Variants in TTR observed in about 807,000 individuals in gnomAD.
TTR encodes transthyretin.
TTR carries 8 observed loss-of-function variants against 13.7 expected under a neutral mutation model. That is an observed-to-expected ratio of 0.58 (90% CI 0.34 to 1.05). TTR has a LOEUF of 1.05. Among genes scored for constraint, TTR ranks in the 50% least tolerant of loss-of-function variants. TTR has a pLI of 0.02. For missense variants in TTR, 135 were observed against 185.5 expected, an observed-to-expected ratio of 0.73 and a Z score of 1.58; for synonymous variants, 75 against 71.7, an observed-to-expected ratio of 1.05 and a Z score of -0.23.
chr18:31,595,308 AT>A, intron 3 of TTR, 53 bp downstream of exon 3: 1 of 1,611,042 alleles, frequency 6.2e-7, no homozygotes, highest in Non-Finnish European at 8.5e-7. Context: ...TGCTTTTGGC[AT>A]TCCAGGAAAT....
In TTR at chr18:31,598,795, G is replaced by A. The variant is rs1041645244; in HGVS notation, c.*120G>A. The A allele has an allele frequency of 1.9e-6, 2 of 1,065,852 alleles. No individual in the cohort carries two copies. Among genetic ancestry groups the A allele is most frequent in the African/African-American group, 3.1e-5 (2 of 63,918 alleles). 66.0% of individuals were successfully genotyped at this position (1,065,852 alleles called of 1,614,324 possible). A position where few individuals can be genotyped will look rare whatever the true frequency, so the allele number is the denominator to read the frequency against. On this transcript the variant is annotated 3_prime_UTR_variant, in exon 4 of 4. Coordinates refer to ENST00000237014, the MANE Select transcript of TTR (RefSeq NM_000371.4). Reference sequence around the variant, plus strand: ...ATGCTATGTTAGAAGTCCAGGCAGAGACAATAAAACATTCCTGTGAAAGGC... The same window carrying A: ...ATGCTATGTTAGAAGTCCAGGCAGAAACAATAAAACATTCCTGTGAAAGGC...
At chr18:31,595,098 T>C (rs1452991462) in intron 2 of TTR, 22 bp from the exon 3 acceptor site, 3 of 1,613,848 alleles carry the variant, frequency 1.9e-6, no homozygotes, top group Non-Finnish European at 1.7e-6. Flanking sequence ...CGTAACTTAA[T>C]CCAGACTTTC....
chr18:31,596,927 C>T (rs2073519838), intron 3 of TTR, among the ~76,000 whole-genome samples: 1 of 152,214 alleles, frequency 6.6e-6, no homozygotes, highest in African/African-American at 2.4e-5. Flanking sequence ...CTGATAAATG[C>T]CTCCTTCAGA....
intron 3 of TTR, 26 bp downstream of exon 3, chr18:31,595,281 G>A (rs368289507): frequency 1.9e-6 from 3 of 1,613,994 alleles, no homozygotes; most frequent in Non-Finnish European, 2.5e-6. Flanking sequence ...TTCGAGGGTT[G>A]TTTTGGTTTT....
At chr18:31,592,538 T>C (rs1254533335) in intron 1 of TTR, among the ~76,000 whole-genome samples, 1 of 152,192 alleles carries the variant, frequency 6.6e-6, no homozygotes, top group Non-Finnish European at 1.5e-5. Context: ...TAAAATGATC[T>C]CAGGAAAACC....
chr18:31,598,513 T>C, intron 3 of TTR, 55 bp from the exon 4 acceptor site: 1 of 1,561,786 alleles, frequency 6.4e-7, no homozygotes, highest in African/African-American at 1.4e-5. Context: ...ATGTGTGTCA[T>C]CTGTCACGTT....
chr18:31,594,657 A>G (rs935197675), intron 2 of TTR, among the ~76,000 whole-genome samples: 3 of 152,300 alleles, frequency 2.0e-5, no homozygotes, highest in Admixed American at 2.0e-4. Context: ...TGAGGTCAGG[A>G]GTTCAAGACC....
chr18:31,595,754 C>T, intron 3 of TTR: 1 of 329,424 alleles, frequency 3.0e-6, no homozygotes, highest in Non-Finnish European at 5.9e-6. Context: ...ATTTACCAAG[C>T]ATACACCATG....
At chr18:31,596,552 T>C (rs929105063) in intron 3 of TTR, among the ~76,000 whole-genome samples, 11 of 152,134 alleles carry the variant, frequency 7.2e-5, no homozygotes, top group Non-Finnish European at 1.3e-4. Context: ...GAGCTGGGTC[T>C]CAGCCTGATG....
chr18:31,592,826 T>C, intron 1 of TTR, 70 bp from the exon 2 acceptor site: 4 of 1,599,306 alleles, frequency 2.5e-6, no homozygotes, highest in Non-Finnish European at 3.4e-6. Context: ...AGATTTCTAA[T>C]ACCACAAAGA....
At chr18:31,598,203 G>C (rs2073526210) in intron 3 of TTR, 2 of 357,948 alleles carry the variant, frequency 5.6e-6, no homozygotes, top group Admixed American at 3.8e-5. Context: ...CACTATTGCA[G>C]CAGCTCTTCA....
Position 31,595,187 on chromosome 18 carries a change from A to G in TTR, c.268A>G (p.Lys90Glu). 2 of 1,614,174 alleles carry G rather than the reference A, an allele frequency of 1.2e-6. No individual in the cohort carries two copies. Among genetic ancestry groups the G allele is most frequent in the Non-Finnish European group, 1.7e-6 (2 of 1,180,022 alleles). The part of the protein sequence containing the change: ...TEEEFVEGIY[K>E]VEIDTKSYWK... ...GGAGGAATTTGTAGAAGGGATATAC[A>G]AAGTGGAAATAGACACCAAATCTTA... Residue 90 changes from lysine to glutamate, a missense_variant, in exon 3 of 4, where the codon AAA becomes GAA. Physicochemically the swap from Lys to Glu is moderately conservative, Grantham distance 56. Transcript: ENST00000237014.
intron 2 of TTR, among the ~76,000 whole-genome samples, chr18:31,593,774 C>T (rs999224786): frequency 1.3e-5 from 2 of 152,176 alleles, no homozygotes; most frequent in East Asian, 3.9e-4. Context: ...AGTTTTTCTA[C>T]CTGCACTAGC....
chr18:31,593,345 C>G, intron 2 of TTR: 1 of 340,858 alleles, frequency 2.9e-6, no homozygotes, highest in Non-Finnish European at 5.7e-6. Flanking sequence ...CATTCTATGC[C>G]CAGAAAAAAT....
At chr18:31,597,219 A>T (rs776262598) in intron 3 of TTR, 1 of 151,844 alleles carries the variant, frequency 6.6e-6, no homozygotes, top group African/African-American at 2.4e-5. Flanking sequence ...TAATTTTTGT[A>T]TTTTTTGTAA....
intron 2 of TTR, chr18:31,593,441 A>T (rs1344494593): frequency 4.0e-6 from 1 of 252,796 alleles, no homozygotes; most frequent in East Asian, 9.4e-5. Context: ...CACCAAAGCT[A>T]AGTGTCCTTG....
Position 31,593,035 on chromosome 18 carries a change from C to T in TTR, c.200+9C>T. The T allele has an allele frequency of 3.1e-6, 5 of 1,613,656 alleles. No homozygotes were observed. Among genetic ancestry groups the T allele is most frequent in the Non-Finnish European group, 3.4e-6 (4 of 1,179,708 alleles). ...GAGCCATTTGCCTCTGGGTAAGTTG[C>T]CAAAGAACCCTCCCACAGGACTTGG... On this transcript the variant is annotated intron_variant, in intron 2 of 3. Coordinates refer to ENST00000237014, the MANE Select transcript of TTR (RefSeq NM_000371.4).
At chr18:31,596,880 T>C (rs1009804331) in intron 3 of TTR, among the ~76,000 whole-genome samples, 13 of 152,274 alleles carry the variant, frequency 8.5e-5, no homozygotes, top group African/African-American at 2.9e-4. Flanking sequence ...TGCCTCACTT[T>C]GGTGACGGGT....
rs1315540051 is a variant in TTR, at chr18:31,595,093, C to A, written c.201-27C>A. On this transcript the variant is annotated intron_variant, in intron 2 of 3. Transcript: ENST00000237014. ...TGCCATTTGTTTCCTCCATGCGTAA[C>A]TTAATCCAGACTTTCACACCTTATA... 5 of 1,613,760 alleles carry A rather than the reference C, an allele frequency of 3.1e-6. No individual in the cohort carries two copies. Among genetic ancestry groups the A allele is most frequent in the Non-Finnish European group, 4.2e-6 (5 of 1,179,872 alleles).
Sources: gnomAD v4.1 joint callset for allele counts (sites outside exome capture counted in the v4.1 genomes callset) on GRCh38, gnomAD v4.1.1 for gene constraint, MANE v1.5 for transcripts, NCBI Gene and HGNC (gene_info 2026-07-23, HGNC 2026-07-21) for gene names.